Variants in PBX1 observed in about 807,000 individuals in gnomAD.
PBX1 encodes PBX homeobox 1.
A neutral mutation model predicts 53.4 loss-of-function variants in PBX1; 6 were observed. The observed-to-expected ratio is 0.11, with a 90% CI of 0.06 to 0.22. The LOEUF (loss-of-function observed/expected upper bound fraction) is 0.22. Ranked by LOEUF, PBX1 falls within the 10% of genes least tolerant of loss-of-function variation. The probability of loss-of-function intolerance (pLI) is 1.00; values close to 1 mark genes in which losing one functional copy is unlikely to be tolerated. For missense variants in PBX1, 251 were observed against 551.4 expected (o/e 0.46, Z 5.46); for synonymous variants, 204 against 212.3 (o/e 0.96, Z 0.34).
At chr1:164,653,197 A>T (rs1659940013) in intron 2 of PBX1, among the ~76,000 whole-genome samples, 1 of 152,060 alleles carries the variant, frequency 6.6e-6, no homozygotes, top group African/African-American at 2.4e-5. Context: ...GAATTACACA[A>T]CATGTGTACT....
At chr1:164,615,535 T>C (rs1268776746) in intron 2 of PBX1, among the ~76,000 whole-genome samples, 1 of 152,204 alleles carries the variant, frequency 6.6e-6, no homozygotes, top group Non-Finnish European at 1.5e-5. Context: ...GCTCAAACTC[T>C]AGCCTTCTAA....
intron 2 of PBX1, chr1:164,682,862 T>TTCCTTGCAGATGGGA (rs11267562): frequency 0.66 from 100,560 of 151,484 alleles, 33,689 homozygotes; most frequent in Non-Finnish European, 0.71. Flanking sequence ...CATACCTCCC[T>TTCCTTGCAGATGGGA]TCCTTGCAGA....
chr1:164,837,352 C>A (rs903046365), intron 8 of PBX1, among the ~76,000 whole-genome samples: 2 of 152,114 alleles, frequency 1.3e-5, no homozygotes, highest in African/African-American at 2.4e-5. Context: ...AAAAAGAATA[C>A]CCTTACTTGA....
chr1:164,755,852 C>T (rs1666485533), intron 2 of PBX1, among the ~76,000 whole-genome samples: 1 of 152,012 alleles, frequency 6.6e-6, no homozygotes, highest in Admixed American at 6.6e-5. Context: ...ATGTAACTCC[C>T]TGGCTCCTGA....
intron 2 of PBX1, among the ~76,000 whole-genome samples, chr1:164,603,430 G>T (rs1027154997): frequency 1.3e-5 from 2 of 152,160 alleles, no homozygotes; most frequent in Non-Finnish European, 2.9e-5. Flanking sequence ...GATGTAGCTA[G>T]AGGACTTTCA....
At chr1:164,658,417 T>C (rs900640244) in intron 2 of PBX1, among the ~76,000 whole-genome samples, 2 of 152,158 alleles carry the variant, frequency 1.3e-5, no homozygotes, top group African/African-American at 4.8e-5. Flanking sequence ...TTTCCAAGAA[T>C]GACCAAAATA....
At chr1:164,865,796 G>A (rs1672202512) in intron 2 of PBX1, among the ~76,000 whole-genome samples, 1 of 152,100 alleles carries the variant, frequency 6.6e-6, no homozygotes, top group South Asian at 2.1e-4. Flanking sequence ...ACATTGCACT[G>A]CCAGCATCCA....
chr1:164,707,418 T>TGTGTGTGTGA (rs58617739), intron 2 of PBX1, among the ~76,000 whole-genome samples: 123 of 118,260 alleles, frequency 1.0e-3, no homozygotes, highest in African/African-American at 4.3e-3. Flanking sequence ...TGTGTGTGTG[T>TGTGTGTGTGA]GAGAGAGAGA....
Position 164,789,534 on chromosome 1 carries a change from G to A in PBX1, c.266-2960G>A, listed in dbSNP as rs140449469. On this transcript the variant is annotated intron_variant, in intron 2 of 8. Coordinates refer to ENST00000420696, the MANE Select transcript of PBX1 (RefSeq NM_002585.4). ...ATAAGCTGATGGAATGAATGAGGCC[G>A]CTTGGGGTACCCATGTGATTGGAGG... is the stretch of plus-strand genomic sequence containing the variant. 3.2e-3 allele frequency among the ~76,000 whole-genome samples: 482 copies of A among 152,312 alleles called. 1 individual carries two copies. The highest frequency in any genetic ancestry group is 0.011 in the African/African-American group (470 of 41,564).
At chr1:164,722,049 C>A (rs1388700367) in intron 2 of PBX1, among the ~76,000 whole-genome samples, 2 of 152,164 alleles carry the variant, frequency 1.3e-5, no homozygotes, top group Middle Eastern at 3.2e-3. Context: ...TATCTTACCC[C>A]CTGACCGACT....
chr1:164,687,706 G>C (rs1453874387), intron 2 of PBX1, among the ~76,000 whole-genome samples: 3 of 152,090 alleles, frequency 2.0e-5, no homozygotes, highest in African/African-American at 7.2e-5. Context: ...CATACGCAAG[G>C]TTTTAAGAGT....
chr1:164,766,558 A>G (rs1667065236), intron 2 of PBX1, among the ~76,000 whole-genome samples: 1 of 152,132 alleles, frequency 6.6e-6, no homozygotes, highest in Non-Finnish European at 1.5e-5. Context: ...GCTCATGGTC[A>G]CACAGCTAGT....
Position 164,695,392 on chromosome 1 carries a change from T to C in PBX1, c.266-97102T>C, listed in dbSNP as rs149734525. 2.3e-3 allele frequency among the ~76,000 whole-genome samples: 351 copies of C among 152,308 alleles called. 2 individuals are homozygous for C. Among genetic ancestry groups the C allele is most frequent in the Middle Eastern group, 0.02 (6 of 294 alleles). On this transcript the variant is annotated intron_variant, in intron 2 of 8. Transcript: ENST00000420696. ...TCTATCTCATCATATGCTACAAATA[T>C]ACTGAGTTACCTGTAATACCTAAAA...
chr1:164,702,425 G>C (rs1418342582), intron 2 of PBX1, among the ~76,000 whole-genome samples: 1 of 152,156 alleles, frequency 6.6e-6, no homozygotes, highest in East Asian at 1.9e-4. Context: ...GAACTGCTAT[G>C]TTTATAGACA....
intron 2 of PBX1, among the ~76,000 whole-genome samples, chr1:164,751,510 A>G (rs949829946): frequency 6.6e-6 from 1 of 151,180 alleles, no homozygotes; most frequent in African/African-American, 2.4e-5. Flanking sequence ...TCTCACTAAT[A>G]TATTTGTTTC....
intron 2 of PBX1, 73 bp from the exon 3 acceptor site, chr1:164,792,421 C>T (rs1668561420): frequency 1.9e-6 from 3 of 1,571,272 alleles, no homozygotes; most frequent in Non-Finnish European, 8.6e-7. Context: ...AGCCAAAGAA[C>T]ACAAATGTGT....
In PBX1 at chr1:164,847,030, A is replaced by G; in HGVS notation, c.*354A>G. 8.8e-7 allele frequency: 1 copy of G among 1,130,406 alleles called. No homozygotes were observed. 70.0% of individuals were successfully genotyped at this position (1,130,406 alleles called of 1,614,324 possible). ...CAACAATTAGAGGAATTTAAAGAGG[A>G]AAAAAATTACAAAGAAAATAATAAA... On this transcript the variant is annotated 3_prime_UTR_variant, in exon 9 of 9. Transcript: ENST00000420696.
rs141192050 is a variant in PBX1, at chr1:164,847,870, A to G, written c.*1194A>G. The G allele has an allele frequency of 4.0e-5, 42 of 1,055,208 alleles. No homozygotes were observed. The East Asian group carries it at 2.2e-3, about 55-fold the overall frequency. The allele number at this position is 1,055,208 out of a possible 1,614,324, so 65.4% of individuals were successfully genotyped here. ...ACAGGACCTGATCATGAGGAAGACC[A>G]GGTTTCCAGTGTAAACTACTCTTGT... On this transcript the variant is annotated 3_prime_UTR_variant, in exon 9 of 9. Transcript: ENST00000420696.
chr1:164,808,911 T>C (rs1239342340), intron 5 of PBX1, among the ~76,000 whole-genome samples: 1 of 152,206 alleles, frequency 6.6e-6, no homozygotes, highest in African/African-American at 2.4e-5. Flanking sequence ...GAGGTCATTT[T>C]TAGTCTTGAC....
Sources: allele counts gnomAD v4.1 joint callset (sites outside exome capture counted in the v4.1 genomes callset), GRCh38; gene constraint gnomAD v4.1.1; transcripts MANE v1.5; gene names NCBI Gene and HGNC (gene_info 2026-07-23, HGNC 2026-07-21).